The following EPB41L4B variants were observed in gnomAD, a reference collection of about 807,000 sequenced individuals.
EPB41L4B encodes the protein band 4.1-like protein 4B.
EPB41L4B carries 30 observed loss-of-function variants against 112.5 expected under a neutral mutation model. That is an observed-to-expected ratio of 0.27 (90% CI 0.20 to 0.36). The LOEUF is 0.36. Ranked by LOEUF, EPB41L4B falls within the 10% of genes least tolerant of loss-of-function variation. The pLI is 1.00. For synonymous variants in EPB41L4B, 408 were observed against 439.7 expected (o/e 0.93, Z 0.90); for missense variants, 1,024 against 1,133.3 (o/e 0.90, Z 1.38).
intron 1 of EPB41L4B, among the ~76,000 whole-genome samples, chr9:109,318,800 T>C (rs970647134): frequency 6.6e-6 from 1 of 152,192 alleles, no homozygotes; most frequent in African/African-American, 2.4e-5. Flanking sequence ...AAAAGGGTAT[T>C]TTCATAGCAA....
At chr9:109,262,120 C>G (rs1424121388) in intron 6 of EPB41L4B, among the ~76,000 whole-genome samples, 4 of 152,166 alleles carry the variant, frequency 2.6e-5, no homozygotes, top group African/African-American at 2.4e-5. Flanking sequence ...ACGGCCAATG[C>G]TGACAATCAT....
intron 13 of EPB41L4B, among the ~76,000 whole-genome samples, chr9:109,249,229 T>C (rs1368616909): frequency 6.6e-6 from 1 of 152,062 alleles, no homozygotes; most frequent in Non-Finnish European, 1.5e-5. Flanking sequence ...TGGCTCTGTG[T>C]TCTGGTTTTC....
In EPB41L4B at chr9:109,224,641, C is replaced by T. The variant is rs73527089; in HGVS notation, c.1410-7496G>A. On this transcript the variant is annotated intron_variant, in intron 15 of 25. Transcript: ENST00000374566. ...AAATTATATTGCAGCGATGGTTGCA[C>T]AACTTGGTGAAAATACTAAAAAACA... 7.5e-3 allele frequency among the ~76,000 whole-genome samples: 1,149 copies of T among 152,190 alleles called. 17 individuals carry two copies. Among genetic ancestry groups the T allele is most frequent in the African/African-American group, 0.026 (1,099 of 41,510 alleles).
intron 13 of EPB41L4B, among the ~76,000 whole-genome samples, chr9:109,251,050 A>C (rs973512263): frequency 1.3e-5 from 2 of 152,166 alleles, no homozygotes; most frequent in African/African-American, 4.8e-5. Flanking sequence ...TTCCTGCAGG[A>C]ATTTCAGTAA....
At chr9:109,286,165 G>GTGGATGGA (rs1220345971) in intron 1 of EPB41L4B, among the ~76,000 whole-genome samples, 22 of 112,020 alleles carry the variant, frequency 2.0e-4, no homozygotes, top group East Asian at 3.1e-4. Flanking sequence ...GGGTGGGTGG[G>GTGGATGGA]TGGATGGATG....
At chr9:109,290,169 A>C (rs535916508) in intron 1 of EPB41L4B, among the ~76,000 whole-genome samples, 9 of 152,324 alleles carry the variant, frequency 5.9e-5, no homozygotes, top group African/African-American at 1.7e-4. Flanking sequence ...CTCTAGCAAT[A>C]TGACCATGGC....
At chr9:109,306,550 T>C (rs1003948655) in intron 1 of EPB41L4B, among the ~76,000 whole-genome samples, 7 of 151,944 alleles carry the variant, frequency 4.6e-5, no homozygotes, top group Non-Finnish European at 8.8e-5. Context: ...GAGGCGGAGG[T>C]TGCAGTGAGC....
intron 1 of EPB41L4B, among the ~76,000 whole-genome samples, chr9:109,288,540 G>A (rs938074731): frequency 1.3e-5 from 2 of 151,834 alleles, no homozygotes; most frequent in African/African-American, 4.8e-5. Context: ...CTAACACGGT[G>A]AAACCCTGTT....
At chr9:109,177,453 T>G (rs577854179) in intron 24 of EPB41L4B, among the ~76,000 whole-genome samples, 1 of 152,216 alleles carries the variant, frequency 6.6e-6, no homozygotes, top group Admixed American at 6.5e-5. Context: ...TTGGAGAGGA[T>G]AATATATTCT....
chr9:109,224,820 T>C (rs759069832), intron 15 of EPB41L4B, among the ~76,000 whole-genome samples: 1 of 152,124 alleles, frequency 6.6e-6, no homozygotes, highest in African/African-American at 2.4e-5. Context: ...ACCATTGCTG[T>C]AGTAGTCCAA....
chr9:109,276,411 T>C (rs1186695179), intron 2 of EPB41L4B, among the ~76,000 whole-genome samples: 1 of 151,914 alleles, frequency 6.6e-6, no homozygotes, highest in Non-Finnish European at 1.5e-5. Context: ...CAGAGATAAG[T>C]GCAGGCATCA....
At chr9:109,229,430 T>A (rs978132344) in intron 15 of EPB41L4B, among the ~76,000 whole-genome samples, 1 of 152,188 alleles carries the variant, frequency 6.6e-6, no homozygotes, top group African/African-American at 2.4e-5. Context: ...CTATCCAAAG[T>A]CGCATACATC....
chr9:109,197,197 C>A (rs541343709), intron 20 of EPB41L4B, among the ~76,000 whole-genome samples: 1 of 151,928 alleles, frequency 6.6e-6, no homozygotes, highest in African/African-American at 2.4e-5. Flanking sequence ...CTGAAGCGGG[C>A]GGATCACCTG....
intron 22 of EPB41L4B, among the ~76,000 whole-genome samples, chr9:109,190,356 C>T (rs1832418412): frequency 1.3e-5 from 2 of 152,212 alleles, no homozygotes; most frequent in African/African-American, 4.8e-5. Flanking sequence ...GACATTCATG[C>T]CCGTAAAGGG....
chr9:109,261,044 T>A (rs1311533497), intron 6 of EPB41L4B, among the ~76,000 whole-genome samples: 3 of 152,212 alleles, frequency 2.0e-5, no homozygotes, highest in Non-Finnish European at 4.4e-5. Flanking sequence ...TGCTGGGCTG[T>A]CAAGCCTGAT....
intron 1 of EPB41L4B, among the ~76,000 whole-genome samples, chr9:109,293,891 A>G (rs542752062): frequency 6.6e-6 from 1 of 152,276 alleles, no homozygotes; most frequent in South Asian, 2.1e-4. Flanking sequence ...AGAACTTAAG[A>G]GACATATCTA....
intron 22 of EPB41L4B, among the ~76,000 whole-genome samples, chr9:109,191,074 C>G (rs980445924): frequency 7.2e-5 from 11 of 152,164 alleles, no homozygotes; most frequent in African/African-American, 2.7e-4. Flanking sequence ...CTGGGGGAAG[C>G]AGATGGAGGG....
chr9:109,270,427 C>T (rs1246533380), intron 2 of EPB41L4B, among the ~76,000 whole-genome samples: 2 of 152,060 alleles, frequency 1.3e-5, no homozygotes, highest in Admixed American at 6.6e-5. Flanking sequence ...TGGGTTGTCA[C>T]GTCCATATTC....
chr9:109,264,904 G>C, intron 5 of EPB41L4B, 76 bp downstream of exon 5: 2 of 1,354,520 alleles, frequency 1.5e-6, no homozygotes, highest in Non-Finnish European at 2.0e-6. Flanking sequence ...AAGGGTAAAA[G>C]AGTTAAAACA....
Sources: gnomAD v4.1 joint callset for allele counts (sites outside exome capture counted in the v4.1 genomes callset) on GRCh38, gnomAD v4.1.1 for gene constraint, MANE v1.5 for transcripts, NCBI Gene and HGNC (gene_info 2026-07-23, HGNC 2026-07-21) for gene names.